DIAPH2: variants seen among roughly 807,000 people sequenced by gnomAD.
DIAPH2 encodes the protein protein diaphanous homolog 2.
In DIAPH2, 35 loss-of-function variants were observed where a neutral mutation model predicts 92.7. The ratio of observed to expected loss-of-function variants is 0.38; its 90% confidence interval spans 0.29 to 0.50. The LOEUF (loss-of-function observed/expected upper bound fraction) is 0.50, where lower values mean the gene tolerates loss of function less well. Ranked by LOEUF, DIAPH2 falls within the 20% of genes least tolerant of loss-of-function variation. DIAPH2 has a pLI of 0.94. For missense variants in DIAPH2, 701 were observed against 819.5 expected (o/e 0.86, Z 1.77); for synonymous variants, 301 against 280.4 (o/e 1.07, Z -0.73).
At chrX:96,946,846 G>T (rs1424712925) in intron 14 of DIAPH2, among the ~76,000 whole-genome samples, 3 of 111,561 alleles carry the variant, frequency 2.7e-5, no homozygotes, top group East Asian at 2.8e-4. Flanking sequence ...TAATAGAAAA[G>T]AAATTTCAGT....
intron 22 of DIAPH2, among the ~76,000 whole-genome samples, chrX:97,194,618 A>G (rs757513368): frequency 3.1e-4 from 35 of 111,629 alleles, no homozygotes; most frequent in African/African-American, 1.0e-3. Context: ...AATTTGTTTT[A>G]GTGATTTCAC....
At chrX:97,164,097 T>C (rs1204870006) in intron 22 of DIAPH2, among the ~76,000 whole-genome samples, 1 of 112,312 alleles carries the variant, frequency 8.9e-6, no homozygotes, top group Non-Finnish European at 1.9e-5. Flanking sequence ...AAATCAAGAA[T>C]TTATTGAGAA....
intron 4 of DIAPH2, among the ~76,000 whole-genome samples, chrX:96,775,469 T>C (rs2064371511): frequency 9.3e-6 from 1 of 108,064 alleles, no homozygotes; most frequent in Admixed American, 1.0e-4. Context: ...GTGACTAAAA[T>C]TGAGAGTTTT....
intron 23 of DIAPH2, among the ~76,000 whole-genome samples, chrX:97,300,731 G>C (rs768912063): frequency 1.2e-4 from 10 of 83,711 alleles, no homozygotes; most frequent in Non-Finnish European, 2.1e-4. Context: ...AGGAGATTGA[G>C]ACCATCCTGG....
intron 26 of DIAPH2, among the ~76,000 whole-genome samples, chrX:97,587,277 GAAA>G (rs770610966): frequency 1.1e-5 from 1 of 87,310 alleles, no homozygotes; most frequent in African/African-American, 4.2e-5. Flanking sequence ...TGCTGTCCTA[GAAA>G]AAAAAAAAAA....
intron 23 of DIAPH2, among the ~76,000 whole-genome samples, chrX:97,248,332 G>A (rs1317442544): frequency 9.0e-6 from 1 of 111,146 alleles, no homozygotes; most frequent in Admixed American, 9.6e-5. Context: ...ATGGATAGAC[G>A]AATTGATTAG....
intron 23 of DIAPH2, among the ~76,000 whole-genome samples, chrX:97,263,900 T>TTTTATTTATTTATTTATTTATTTA (rs10644882): frequency 9.6e-5 from 9 of 93,992 alleles, no homozygotes; most frequent in Non-Finnish European, 1.9e-4. Flanking sequence ...ACTGTTAGTT[T>TTTTATTTATTTATTTATTTATTTA]TTTATTTATT....
At chrX:97,086,358 AC>A (rs1196554056) in intron 19 of DIAPH2, among the ~76,000 whole-genome samples, 1 of 111,930 alleles carries the variant, frequency 8.9e-6, no homozygotes, top group Non-Finnish European at 1.9e-5. Flanking sequence ...TCATAGAAGC[AC>A]AGAGTAGAGT....
chrX:96,858,937 A>G (rs1290937499), intron 4 of DIAPH2, among the ~76,000 whole-genome samples: 1 of 111,853 alleles, frequency 8.9e-6, no homozygotes, highest in Non-Finnish European at 1.9e-5. Flanking sequence ...TATTTTTGAT[A>G]CCTCTGAAGA....
intron 4 of DIAPH2, among the ~76,000 whole-genome samples, chrX:96,761,098 G>A (rs190446049): frequency 1.4e-3 from 157 of 111,003 alleles, no homozygotes; most frequent in African/African-American, 4.7e-3. Flanking sequence ...TTGTCCTACC[G>A]ATTGGTAATC....
At chrX:97,282,826 T>A (rs1435230839) in intron 23 of DIAPH2, among the ~76,000 whole-genome samples, 1 of 111,910 alleles carries the variant, frequency 8.9e-6, no homozygotes, top group Non-Finnish European at 1.9e-5. Context: ...TTTGCTTTGT[T>A]TCTCCCTTAC....
chrX:96,960,065 C>T (rs775309979), intron 16 of DIAPH2, among the ~76,000 whole-genome samples: 2 of 111,325 alleles, frequency 1.8e-5, no homozygotes, highest in South Asian at 7.5e-4. Flanking sequence ...GATCTTTTTG[C>T]TCAGGATTGC....
chrX:96,967,193 C>G (rs2065898224), intron 17 of DIAPH2, among the ~76,000 whole-genome samples: 1 of 110,313 alleles, frequency 9.1e-6, no homozygotes, highest in East Asian at 2.9e-4. Context: ...TTGCCCTCTT[C>G]CCTCCCTCTG....
intron 22 of DIAPH2, among the ~76,000 whole-genome samples, chrX:97,240,075 C>G (rs774860680): frequency 9.1e-6 from 1 of 110,278 alleles, no homozygotes; most frequent in Admixed American, 9.7e-5. Flanking sequence ...TTTTTTTTGT[C>G]TGTTACCTTT....
At chrX:96,823,396 T>C (rs2064791230) in intron 4 of DIAPH2, among the ~76,000 whole-genome samples, 2 of 111,183 alleles carry the variant, frequency 1.8e-5, no homozygotes, top group Admixed American at 1.9e-4. Context: ...TATAATTATA[T>C]GGGAGATGTT....
intron 26 of DIAPH2, among the ~76,000 whole-genome samples, chrX:97,438,347 T>TTTTG (rs757393333): frequency 1.6e-4 from 13 of 81,551 alleles, no homozygotes; most frequent in African/African-American, 5.5e-4. Context: ...TGTTTTTTTT[T>TTTTG]TTTGTTTGTT....
chrX:97,284,826 C>A (rs2068527279), intron 23 of DIAPH2, among the ~76,000 whole-genome samples: 1 of 111,013 alleles, frequency 9.0e-6, no homozygotes, highest in African/African-American at 3.3e-5. Context: ...CTTTTCTAAG[C>A]TATGAATACC....
intron 23 of DIAPH2, among the ~76,000 whole-genome samples, chrX:97,334,480 A>AAAAAACG (rs1352479814): frequency 9.7e-6 from 1 of 103,370 alleles, no homozygotes; most frequent in Non-Finnish European, 2.0e-5. Context: ...AAAAAAAAAC[A>AAAAAACG]AAAAACAATT....
intron 1 of DIAPH2, among the ~76,000 whole-genome samples, chrX:96,686,704 A>G (rs2147510199): frequency 8.9e-6 from 1 of 111,794 alleles, no homozygotes; most frequent in East Asian, 2.8e-4. Context: ...TTTTACAAGC[A>G]GATGTGTCAG....
Sources: gnomAD v4.1 joint callset for allele counts (sites outside exome capture counted in the v4.1 genomes callset) on GRCh38, gnomAD v4.1.1 for gene constraint, MANE v1.5 for transcripts, NCBI Gene and HGNC (gene_info 2026-07-23, HGNC 2026-07-21) for gene names.